Variants in KLHDC4 observed in about 807,000 individuals in gnomAD.
The protein encoded by KLHDC4 is kelch domain-containing protein 4.
A neutral mutation model predicts 62.4 loss-of-function variants in KLHDC4; 90 were observed. The ratio of observed to expected loss-of-function variants is 1.44; its 90% CI spans 1.22 to 1.72. The LOEUF (loss-of-function observed/expected upper bound fraction) is 1.72, where lower values mean the gene tolerates loss of function less well. Ranked by LOEUF, KLHDC4 falls within the 40% of genes most tolerant of loss-of-function variation. The pLI is 0.00. For synonymous variants in KLHDC4, 386 were observed against 284.4 expected, an observed-to-expected ratio of 1.36 and a Z score of -3.59; for missense variants, 1,025 against 699.7, an observed-to-expected ratio of 1.47 and a Z score of -5.25.
At chr16:87,724,687 G>T (rs903361687) in intron 7 of KLHDC4, among the ~76,000 whole-genome samples, 1 of 152,190 alleles carries the variant, frequency 6.6e-6, no homozygotes, top group Non-Finnish European at 1.5e-5. Context: ...ATTGGGGCTG[G>T]TATGAACAGG....
In KLHDC4 at chr16:87,730,619, T is replaced by A; in HGVS notation, c.532A>T (p.Ser178Cys). 6.2e-7 allele frequency: 1 copy of A among 1,613,132 alleles called. No homozygotes were observed. The highest frequency in any genetic ancestry group is 1.1e-5 in the South Asian group (1 of 90,816). Reference sequence around the variant, plus strand: ...TTCCAGGCCACCATCCGATGTCCACTCCGACCCGAAGGACCGCCTGTTGAT... The same window carrying A: ...TTCCAGGCCACCATCCGATGTCCACACCGACCCGAAGGACCGCCTGTTGAT... ...VKSTGGPSGR[S>C]GHRMVAWKRQ... The change falls in exon 6 of 12, where the codon AGT (serine) becomes TGT (cysteine). Residue 178 changes from serine to cysteine, a missense_variant. Coordinates refer to ENST00000270583, the MANE Select transcript of KLHDC4 (RefSeq NM_017566.4).
intron 7 of KLHDC4, among the ~76,000 whole-genome samples, chr16:87,721,196 G>A (rs557969036): frequency 9.2e-5 from 14 of 152,230 alleles, no homozygotes; most frequent in South Asian, 4.2e-4. Flanking sequence ...CGAGACGGGC[G>A]GATCACAAGG....
intron 5 of KLHDC4, chr16:87,739,651 A>G (rs1321264333): frequency 6.5e-6 from 1 of 153,648 alleles, no homozygotes; most frequent in Non-Finnish European, 1.4e-5. Context: ...CACGTCATAC[A>G]TCCACACACC....
exon 1 of KLHDC4, chr16:87,701,012 C>T (rs1315347824): frequency 1.4e-5 from 3 of 207,612 alleles, no homozygotes; most frequent in Non-Finnish European, 9.9e-6. Context: ...TCCCCAGGTG[C>T]CAAGGAGGTT....
chr16:87,765,142 C>T (rs1311596056), intron 1 of KLHDC4: 2 of 455,944 alleles, frequency 4.4e-6, no homozygotes, highest in African/African-American at 4.0e-5. Flanking sequence ...GTTAGGGAAT[C>T]CATGAGCAGC....
chr16:87,712,226 C>T (rs1160053768), intron 8 of KLHDC4, among the ~76,000 whole-genome samples: 1 of 152,202 alleles, frequency 6.6e-6, no homozygotes, highest in Non-Finnish European at 1.5e-5. Flanking sequence ...GCAGATGTCT[C>T]CCCACCACTT....
At chr16:87,714,424 T>C (rs915966210) in intron 8 of KLHDC4, 74 bp downstream of exon 8, 88 of 1,329,998 alleles carry the variant, frequency 6.6e-5, no homozygotes, top group Non-Finnish European at 8.0e-5. Flanking sequence ...CCCACATCCA[T>C]GGGAGGGTGT....
chr16:87,719,508 C>G (rs948311867), intron 7 of KLHDC4, among the ~76,000 whole-genome samples: 1 of 152,168 alleles, frequency 6.6e-6, no homozygotes, highest in Non-Finnish European at 1.5e-5. Context: ...CTAATCTCAA[C>G]TACCCAGGGA....
At position 87,761,022 on chromosome 16, in the gene KLHDC4, G is replaced by C. The variant is rs537321163; in HGVS notation, c.191+927C>G. On this transcript the variant is annotated intron_variant, in intron 2 of 11. Transcript: ENST00000270583. ...TACTCCAGCCTGGATGACAGAGTGA[G>C]ACTCCATCTCAAAAAGAAAAAAAAA... Among the ~76,000 whole-genome samples the C allele has an allele frequency of 4.6e-5, 7 of 152,214 alleles. No individual in the cohort carries two copies. In the South Asian group the frequency reaches 8.3e-4, roughly 18 times the overall value.
chr16:87,718,275 TTCGCTC>T (rs1167954819), intron 7 of KLHDC4, among the ~76,000 whole-genome samples: 1 of 142,936 alleles, frequency 7.0e-6, no homozygotes, highest in South Asian at 2.4e-4. Flanking sequence ...CAAAAACCGA[TTCGCTC>T]TCGCTCTCCC....
intron 4 of KLHDC4, among the ~76,000 whole-genome samples, chr16:87,749,100 C>G (rs1353699849): frequency 9.2e-5 from 14 of 151,616 alleles, no homozygotes; most frequent in Admixed American, 9.2e-4. Flanking sequence ...AAAGTGGACA[C>G]AGCTAGTTAC....
intron 5 of KLHDC4, among the ~76,000 whole-genome samples, chr16:87,738,118 G>A (rs1181997148): frequency 6.6e-6 from 1 of 152,114 alleles, no homozygotes; most frequent in African/African-American, 2.4e-5. Context: ...GGCAGAGCAG[G>A]GTGTGTCCAT....
At chr16:87,730,493 TA>T in intron 6 of KLHDC4, 58 bp downstream of exon 6, 1 of 1,366,334 alleles carries the variant, frequency 7.3e-7, no homozygotes, top group South Asian at 1.3e-5. Flanking sequence ...GCTCTTTCTA[TA>T]AAAAGCCCAC....
At chr16:87,743,729 G>C (rs7205446) in intron 5 of KLHDC4, among the ~76,000 whole-genome samples, 1,566 of 151,832 alleles carry the variant, frequency 0.01, 27 homozygotes, top group African/African-American at 0.037. Flanking sequence ...GACAGAGCGC[G>C]ACACCGCCTC....
At chr16:87,698,786 C>G (rs371551508) in exon 1 of KLHDC4, 3 of 152,272 alleles carry the variant, frequency 2.0e-5, no homozygotes, top group Admixed American at 6.5e-5. Context: ...GACAGGCACG[C>G]AGTCCCTCCG....
At chr16:87,701,759 A>G in exon 1 of KLHDC4, 1 of 456,682 alleles carries the variant, frequency 2.2e-6, no homozygotes, top group Non-Finnish European at 4.4e-6. Flanking sequence ...CCGTCCTCCC[A>G]AGCGTGCACA....
intron 5 of KLHDC4, among the ~76,000 whole-genome samples, chr16:87,742,606 G>A (rs2042396195): frequency 6.6e-6 from 1 of 152,164 alleles, no homozygotes; most frequent in Non-Finnish European, 1.5e-5. Context: ...TACAAGGAGA[G>A]GTTAGGGTAA....
chr16:87,759,475 A>G (rs1808550), intron 2 of KLHDC4, among the ~76,000 whole-genome samples: 106,466 of 151,906 alleles, frequency 0.7, 38,866 homozygotes, highest in African/African-American at 0.9. Context: ...GGCCGGGTAC[A>G]GTGGCTCACG....
intron 9 of KLHDC4, chr16:87,710,382 C>T (rs895932893): frequency 6.6e-6 from 1 of 152,246 alleles, no homozygotes; most frequent in Non-Finnish European, 1.5e-5. Context: ...CAGATCAACC[C>T]AAAGTCAGCT....
Sources: allele counts gnomAD v4.1 joint callset (sites outside exome capture counted in the v4.1 genomes callset), GRCh38; gene constraint gnomAD v4.1.1; transcripts MANE v1.5; gene names NCBI Gene and HGNC (gene_info 2026-07-23, HGNC 2026-07-21).